NDUFAF2: variants seen among roughly 807,000 people sequenced by gnomAD.
NDUFAF2 encodes NADH:ubiquinone oxidoreductase complex assembly factor 2, also known as NADH dehydrogenase [ubiquinone] 1 alpha subcomplex assembly factor 2.
In NDUFAF2, 13 loss-of-function variants were observed where a neutral mutation model predicts 22.8. The observed-to-expected ratio is 0.57, with a 90% CI of 0.37 to 0.91. NDUFAF2 has a LOEUF of 0.91. NDUFAF2 is among the 40% of genes least tolerant of loss of function. NDUFAF2 has a pLI of 0.01. For missense variants in NDUFAF2, 162 were observed against 195.2 expected (o/e 0.83, Z 1.01); for synonymous variants, 53 against 64.2 (o/e 0.83, Z 0.84).
intron 2 of NDUFAF2, among the ~76,000 whole-genome samples, chr5:61,085,774 T>A (rs973311094): frequency 6.6e-6 from 1 of 152,202 alleles, no homozygotes; most frequent in African/African-American, 2.4e-5. Context: ...ACTTGAAGAT[T>A]TAGGGATAAA....
chr5:61,003,698 T>C (rs1245051604), intron 1 of NDUFAF2, among the ~76,000 whole-genome samples: 1 of 150,230 alleles, frequency 6.7e-6, no homozygotes, highest in Non-Finnish European at 1.5e-5. Flanking sequence ...TCACCCAGGC[T>C]GGAGTGCAGT....
chr5:61,041,865 A>G (rs1273342763), intron 1 of NDUFAF2, among the ~76,000 whole-genome samples: 2 of 152,214 alleles, frequency 1.3e-5, no homozygotes, highest in African/African-American at 4.8e-5. Context: ...CCGCTTTCCA[A>G]CGATGCTTTC....
intron 1 of NDUFAF2, among the ~76,000 whole-genome samples, chr5:60,970,207 G>T (rs1288382084): frequency 3.3e-5 from 5 of 152,016 alleles, no homozygotes; most frequent in African/African-American, 1.2e-4. Flanking sequence ...GGCTATTCAG[G>T]GTATTTTATG....
chr5:60,961,179 G>A (rs10067249), intron 1 of NDUFAF2, among the ~76,000 whole-genome samples: 2,467 of 152,232 alleles, frequency 0.016, 76 homozygotes, highest in African/African-American at 0.057. Context: ...GTATAACTTG[G>A]TCAGGCATGG....
At chr5:61,006,736 C>T (rs184453624) in intron 1 of NDUFAF2, among the ~76,000 whole-genome samples, 1 of 152,010 alleles carries the variant, frequency 6.6e-6, no homozygotes, top group Non-Finnish European at 1.5e-5. Flanking sequence ...TAAAACATAG[C>T]GTATTGTTAC....
At chr5:61,111,907 C>T (rs1296465489) in intron 3 of NDUFAF2, among the ~76,000 whole-genome samples, 4 of 151,474 alleles carry the variant, frequency 2.6e-5, no homozygotes, top group Non-Finnish European at 5.9e-5. Flanking sequence ...TGTGAGCCAC[C>T]GTGCCCAGCC....
chr5:61,015,720 G>A (rs2112600240), intron 1 of NDUFAF2, among the ~76,000 whole-genome samples: 1 of 152,176 alleles, frequency 6.6e-6, no homozygotes, highest in South Asian at 2.1e-4. Context: ...ATAGCAATCA[G>A]TACTGTAAAT....
intron 1 of NDUFAF2, among the ~76,000 whole-genome samples, chr5:61,034,271 A>G (rs1751765966): frequency 6.6e-6 from 1 of 152,192 alleles, no homozygotes; most frequent in South Asian, 2.1e-4. Flanking sequence ...TAACTAGTAC[A>G]GTTATGTGTC....
intron 1 of NDUFAF2, among the ~76,000 whole-genome samples, chr5:60,951,566 T>C (rs1309528453): frequency 6.6e-6 from 1 of 152,220 alleles, no homozygotes; most frequent in Non-Finnish European, 1.5e-5. Flanking sequence ...CACTTGGTCA[T>C]GATGCATTAT....
Position 60,995,319 on chromosome 5 carries a change from C to T in NDUFAF2, c.127+49937C>T, listed in dbSNP as rs192986503. ...CACTGTTTAGACTTACTTTAGCTGT[C>T]CTTTTTGGGAAGGCTTTCTAGATAT... On this transcript the variant is annotated intron_variant, in intron 1 of 3. Transcript: ENST00000296597. Among the ~76,000 whole-genome samples the T allele has an allele frequency of 1.3e-3, 191 of 152,276 alleles. 1 individual carries two copies. Among genetic ancestry groups the T allele is most frequent in the Non-Finnish European group, 2.1e-3 (141 of 68,020 alleles).
At chr5:61,031,748 G>A (rs966400904) in intron 1 of NDUFAF2, among the ~76,000 whole-genome samples, 1 of 152,084 alleles carries the variant, frequency 6.6e-6, no homozygotes, top group African/African-American at 2.4e-5. Context: ...CACAGTAATG[G>A]GATTGCTGGG....
intron 3 of NDUFAF2, among the ~76,000 whole-genome samples, chr5:61,134,369 T>C (rs1208064050): frequency 2.0e-5 from 3 of 152,144 alleles, no homozygotes; most frequent in Admixed American, 2.0e-4. Flanking sequence ...TGGAACTATA[T>C]AGATGTTTTA....
In NDUFAF2 at chr5:61,028,285, TG is replaced by T. The variant is rs756864113; in HGVS notation, c.128-44839del. Among the ~76,000 whole-genome samples, 22 of 152,190 alleles carry T rather than the reference TG, an allele frequency of 1.4e-4. No homozygotes were observed. In the South Asian group the frequency reaches 1.5e-3, roughly 10 times the overall value. Reference sequence around the variant, plus strand: ...CACCACAATTTGCTATGTGCATATTTGTTTTCGACTTATCCCCTTCTCTTAT... The same window carrying T: ...CACCACAATTTGCTATGTGCATATTTTTTTCGACTTATCCCCTTCTCTTAT... On this transcript the variant is annotated intron_variant, in intron 1 of 3. Transcript: ENST00000296597.
chr5:61,038,486 T>C (rs1445980680), intron 1 of NDUFAF2, among the ~76,000 whole-genome samples: 1 of 152,158 alleles, frequency 6.6e-6, no homozygotes, highest in African/African-American at 2.4e-5. Context: ...GAACTTTTAT[T>C]AACCCCACCC....
intron 3 of NDUFAF2, 150 bp from the exon 4 acceptor site, chr5:61,152,554 C>T: frequency 1.9e-6 from 1 of 514,208 alleles, no homozygotes; most frequent in Non-Finnish European, 3.1e-6. Flanking sequence ...CTTTTTCAAA[C>T]TTATATACAT....
rs559232538 is a variant in NDUFAF2 at position 61,006,845 on chromosome 5, G to T, written c.127+61463G>T. ...GAGCTTTTATTTACTTAAAATTAAT[G>T]ATCATTTTGGTCAAGGCGTTTGAAT... On this transcript the variant is annotated intron_variant, in intron 1 of 3. Transcript: ENST00000296597. 5.3e-5 allele frequency among the ~76,000 whole-genome samples: 8 copies of T among 152,152 alleles called. No individual in the cohort carries two copies. In the South Asian group the frequency reaches 1.7e-3, roughly 32 times the overall value.
intron 1 of NDUFAF2, among the ~76,000 whole-genome samples, chr5:60,977,352 C>T (rs1484594231): frequency 6.6e-6 from 1 of 151,814 alleles, no homozygotes; most frequent in Non-Finnish European, 1.5e-5. Flanking sequence ...TTGTTTGAGC[C>T]CAGGAGTTCG....
chr5:60,967,545 A>G (rs538281441), intron 1 of NDUFAF2, among the ~76,000 whole-genome samples: 1 of 150,818 alleles, frequency 6.6e-6, no homozygotes, highest in South Asian at 2.1e-4. Context: ...TTTTTTTTTT[A>G]TCATGAAAGA....
At chr5:61,147,904 G>GCT in intron 3 of NDUFAF2, among the ~76,000 whole-genome samples, 1 of 152,188 alleles carries the variant, frequency 6.6e-6, no homozygotes, top group East Asian at 1.9e-4. Context: ...TCCCTGGCTG[G>GCT]TTAGAACTTG....
Sources: gnomAD v4.1 joint callset for allele counts (sites outside exome capture counted in the v4.1 genomes callset) on GRCh38, gnomAD v4.1.1 for gene constraint, MANE v1.5 for transcripts, NCBI Gene and HGNC (gene_info 2026-07-23, HGNC 2026-07-21) for gene names.